The following PDE4D variants were observed in gnomAD, a reference collection of about 807,000 sequenced individuals.
PDE4D encodes the protein 3',5'-cyclic-AMP phosphodiesterase 4D.
In PDE4D, 24 loss-of-function variants were observed where a neutral mutation model predicts 87.4. The ratio of observed to expected loss-of-function variants is 0.27; its 90% CI spans 0.20 to 0.39. The LOEUF (loss-of-function observed/expected upper bound fraction) is 0.39, where lower values mean the gene tolerates loss of function less well. Among genes scored for constraint, PDE4D ranks in the 10% least tolerant of loss-of-function variants. The pLI, the probability that PDE4D is intolerant of heterozygous loss-of-function variation, is 1.00. For synonymous variants in PDE4D, 384 were observed against 383.2 expected, an observed-to-expected ratio of 1.00 and a Z score of -0.02; for missense variants, 714 against 1,041.0, an observed-to-expected ratio of 0.69 and a Z score of 4.32.
intron 1 of PDE4D, among the ~76,000 whole-genome samples, chr5:59,780,146 C>T (rs1458850465): frequency 6.6e-6 from 1 of 152,128 alleles, no homozygotes; most frequent in Non-Finnish European, 1.5e-5. Flanking sequence ...GGTCGATTAC[C>T]TGAGGTCAGG....
intron 2 of PDE4D, among the ~76,000 whole-genome samples, chr5:60,055,693 G>T (rs1212412229): frequency 6.6e-6 from 1 of 152,014 alleles, no homozygotes; most frequent in Non-Finnish European, 1.5e-5. Context: ...ATAAAAAATT[G>T]AAAAGTGAAG....
At chr5:59,129,176 G>C (rs1775925043) in intron 5 of PDE4D, among the ~76,000 whole-genome samples, 3 of 152,152 alleles carry the variant, frequency 2.0e-5, no homozygotes, top group Admixed American at 6.5e-5. Context: ...TTTCTCCTTT[G>C]TTTTCAGTGA....
chr5:60,058,039 A>G (rs745474806), intron 2 of PDE4D, among the ~76,000 whole-genome samples: 18 of 151,990 alleles, frequency 1.2e-4, no homozygotes, highest in Non-Finnish European at 2.2e-4. Flanking sequence ...TAAGTGTGAT[A>G]AATGGCAAGA....
intron 1 of PDE4D, among the ~76,000 whole-genome samples, chr5:60,313,497 C>T (rs1408065207): frequency 6.6e-6 from 1 of 152,126 alleles, no homozygotes; most frequent in Non-Finnish European, 1.5e-5. Context: ...CATATTCTAC[C>T]AGACATACAA....
At chr5:59,659,956 G>A (rs1246413521) in intron 1 of PDE4D, among the ~76,000 whole-genome samples, 1 of 152,158 alleles carries the variant, frequency 6.6e-6, no homozygotes, top group Non-Finnish European at 1.5e-5. Flanking sequence ...AGGCCGAGAT[G>A]GGTGGATTGC....
intron 1 of PDE4D, among the ~76,000 whole-genome samples, chr5:59,371,351 G>T (rs1473425174): frequency 6.6e-6 from 1 of 152,136 alleles, no homozygotes; most frequent in Non-Finnish European, 1.5e-5. Flanking sequence ...TTGATATTTT[G>T]ATTCTACTTG....
At chr5:59,696,402 C>T (rs183173661) in intron 1 of PDE4D, among the ~76,000 whole-genome samples, 4 of 152,216 alleles carry the variant, frequency 2.6e-5, no homozygotes, top group Admixed American at 2.6e-4. Context: ...CCACATGGAG[C>T]TTACATTCTA....
At chr5:59,083,337 T>C (rs970676533) in intron 5 of PDE4D, among the ~76,000 whole-genome samples, 21 of 152,120 alleles carry the variant, frequency 1.4e-4, no homozygotes, top group African/African-American at 4.8e-4. Flanking sequence ...TATCCTTTTT[T>C]CCTTGTTCGG....
chr5:58,972,963 A>T lies in PDE4D; in HGVS notation c.*1701T>A, dbSNP rs1742868461. ...CTTCTTTCCCTCCATGTGTTTAAAG[A>T]AGTAGTTCCCCTCTGCAAGATATGC... On this transcript the variant is annotated 3_prime_UTR_variant, in exon 15 of 15. Coordinates refer to ENST00000340635, the MANE Select transcript of PDE4D (RefSeq NM_001104631.2). The T allele has an allele frequency of 6.6e-6, 1 of 152,170 alleles. No homozygotes were observed. Among genetic ancestry groups the T allele is most frequent in the Admixed American group, 6.6e-5 (1 of 15,262 alleles). 9.4% of individuals were successfully genotyped at this position (152,170 alleles called of 1,614,324 possible).
intron 5 of PDE4D, among the ~76,000 whole-genome samples, chr5:59,112,954 C>T (rs1322034121): frequency 1.3e-5 from 2 of 152,070 alleles, no homozygotes; most frequent in African/African-American, 2.4e-5. Flanking sequence ...GCATGCACCA[C>T]CACGCATGGC....
At chr5:60,491,594 A>T (rs764677646), upstream of PDE4D, 3 of 152,228 alleles carry the variant, frequency 2.0e-5, no homozygotes, top group Non-Finnish European at 4.4e-5. Flanking sequence ...GGATCCATTT[A>T]TCTGTGGTCT....
At chr5:60,279,619 C>G (rs888230593) in intron 1 of PDE4D, among the ~76,000 whole-genome samples, 1 of 151,654 alleles carries the variant, frequency 6.6e-6, no homozygotes, top group Admixed American at 6.6e-5. Context: ...TTATAGAAAG[C>G]ATGCTTTTGT....
At chr5:59,716,625 C>T (rs1194599043) in intron 1 of PDE4D, among the ~76,000 whole-genome samples, 1 of 152,170 alleles carries the variant, frequency 6.6e-6, no homozygotes, top group Non-Finnish European at 1.5e-5. Flanking sequence ...TGAGAACAAG[C>T]AAACATGACA....
At chr5:59,926,490 A>G (rs1396908027) in intron 3 of PDE4D, among the ~76,000 whole-genome samples, 1 of 152,172 alleles carries the variant, frequency 6.6e-6, no homozygotes, top group Non-Finnish European at 1.5e-5. Flanking sequence ...CGAGCAGAAG[A>G]AAAGGAATGA....
intron 9 of PDE4D, among the ~76,000 whole-genome samples, chr5:58,990,272 G>A (rs1423873646): frequency 1.3e-5 from 2 of 152,040 alleles, no homozygotes; most frequent in African/African-American, 2.4e-5. Flanking sequence ...AAAAATCAAC[G>A]TCCTCTCTAG....
chr5:59,076,434 C>T (rs1041080286), intron 5 of PDE4D, among the ~76,000 whole-genome samples: 2 of 152,050 alleles, frequency 1.3e-5, no homozygotes, highest in Non-Finnish European at 2.9e-5. Flanking sequence ...TACGTGAAGT[C>T]TTCAGTGACA....
chr5:59,170,539 T>C (rs994588307), intron 5 of PDE4D, among the ~76,000 whole-genome samples: 1 of 152,182 alleles, frequency 6.6e-6, no homozygotes, highest in Admixed American at 6.5e-5. Flanking sequence ...AGAAATAACA[T>C]GTTTGTCACT....
In PDE4D at chr5:60,381,584, C is replaced by G. The variant is rs544011820; in HGVS notation, c.-90+106358G>C. Among the ~76,000 whole-genome samples, 12 of 152,092 alleles carry G rather than the reference C, an allele frequency of 7.9e-5. No homozygotes were observed. In the South Asian group the frequency reaches 2.5e-3, roughly 32 times the overall value. On this transcript the variant is annotated intron_variant, in intron 1 of 16. Transcript: ENST00000502484. The stretch of plus-strand genomic sequence containing the variant: ...CAAAGATGACACCAAATTTCCAAGG[C>G]CAGGTGATTCAGAAAATGGTAGTTT...
intron 1 of PDE4D, among the ~76,000 whole-genome samples, chr5:59,718,671 T>A (rs1158187324): frequency 1.3e-5 from 2 of 152,186 alleles, no homozygotes; most frequent in African/African-American, 4.8e-5. Context: ...CAGAGGCTGT[T>A]AGAAAGATCT....
Sources: allele counts gnomAD v4.1 joint callset (sites outside exome capture counted in the v4.1 genomes callset), GRCh38; gene constraint gnomAD v4.1.1; transcripts MANE v1.5; gene names NCBI Gene and HGNC (gene_info 2026-07-23, HGNC 2026-07-21).